Variants in SCUBE1 observed in about 807,000 individuals in gnomAD.
The protein encoded by SCUBE1 is signal peptide, CUB domain and EGF like domain containing 1.
SCUBE1 carries 59 observed loss-of-function variants against 124.4 expected under a neutral mutation model. The observed-to-expected ratio is 0.47, with a 90% CI of 0.38 to 0.59. SCUBE1 has a LOEUF of 0.59. Among genes scored for constraint, SCUBE1 ranks in the 20% least tolerant of loss-of-function variants. The pLI, the probability that SCUBE1 is intolerant of heterozygous loss-of-function variation, is 0.00. For missense variants in SCUBE1, 1,150 were observed against 1,371.2 expected (o/e 0.84, Z 2.55); for synonymous variants, 545 against 550.9 (o/e 0.99, Z 0.15).
chr22:43,285,022 G>A (rs561958614), intron 4 of SCUBE1, among the ~76,000 whole-genome samples: 11 of 152,246 alleles, frequency 7.2e-5, no homozygotes, highest in African/African-American at 2.4e-4. Context: ...AAGGTGAAAC[G>A]CACTTGGGTA....
intron 3 of SCUBE1, among the ~76,000 whole-genome samples, chr22:43,303,604 G>A (rs560775203): frequency 3.3e-5 from 5 of 152,276 alleles, no homozygotes; most frequent in African/African-American, 4.8e-5. Flanking sequence ...TCGCTTGGCT[G>A]AGGCACTGGC....
At chr22:43,206,674 G>A (rs1921299267) in intron 21 of SCUBE1, among the ~76,000 whole-genome samples, 2 of 152,136 alleles carry the variant, frequency 1.3e-5, no homozygotes, top group Admixed American at 1.3e-4. Flanking sequence ...AGAGGCTCTG[G>A]TGCGTGTGAG....
chr22:43,308,331 A>G (rs1195662551), intron 3 of SCUBE1, among the ~76,000 whole-genome samples: 1 of 152,208 alleles, frequency 6.6e-6, no homozygotes, highest in Non-Finnish European at 1.5e-5. Context: ...GAATGGGAAA[A>G]GGTGGTGGGG....
chr22:43,216,122 C>T (rs1369129655), intron 15 of SCUBE1, among the ~76,000 whole-genome samples: 1 of 152,024 alleles, frequency 6.6e-6, no homozygotes, highest in African/African-American at 2.4e-5. Context: ...TCTCAGCTCA[C>T]TGCAACCTCT....
At chr22:43,216,592 C>T (rs989163425) in intron 15 of SCUBE1, among the ~76,000 whole-genome samples, 10 of 151,956 alleles carry the variant, frequency 6.6e-5, no homozygotes, top group Non-Finnish European at 1.0e-4. Flanking sequence ...GGCAGAGTTG[C>T]GGTGAGCTGA....
chr22:43,289,677 G>C (rs1925281866), intron 4 of SCUBE1, among the ~76,000 whole-genome samples: 1 of 152,196 alleles, frequency 6.6e-6, no homozygotes, highest in African/African-American at 2.4e-5. Context: ...CGGGAGGCTG[G>C]AACCTCATCC....
At chr22:43,227,305 A>G in intron 10 of SCUBE1, 69 bp downstream of exon 10, 4 of 1,538,258 alleles carry the variant, frequency 2.6e-6, no homozygotes, top group South Asian at 1.2e-5. Context: ...CCACCTCAGA[A>G]AAGCCACTGT....
chr22:43,237,108 G>C (rs1219544186), intron 7 of SCUBE1, among the ~76,000 whole-genome samples: 4 of 151,064 alleles, frequency 2.6e-5, no homozygotes, highest in South Asian at 4.2e-4. Flanking sequence ...GTGGTGGGGT[G>C]GGGGGGGTTG....
chr22:43,307,958 GA>G (rs55837586), intron 3 of SCUBE1, among the ~76,000 whole-genome samples: 67,672 of 151,688 alleles, frequency 0.45, 15,478 homozygotes, highest in Non-Finnish European at 0.49. Context: ...GGGCTGGCAG[GA>G]AGAACCATCT....
Position 43,252,043 on chromosome 22 carries a change from G to A in SCUBE1, c.727+6176C>T, listed in dbSNP as rs1046899930. Among the ~76,000 whole-genome samples, 21 of 152,306 alleles carry A rather than the reference G, an allele frequency of 1.4e-4. 1 individual carries two copies. The South Asian group carries it at 1.9e-3, about 14-fold the overall frequency. ...ATTTATCACTTTAACCTGCAAATCC[G>A]ACAATTTTAACTGATTGTAATGGGA... is the stretch of plus-strand genomic sequence containing the variant. On this transcript the variant is annotated intron_variant, in intron 6 of 21. Transcript: ENST00000360835.
rs80138461 is a variant in SCUBE1 at position 43,208,229 on chromosome 22, G to T, written c.2582-5C>A. 6.2e-7 allele frequency: 1 copy of T among 1,613,800 alleles called. No homozygotes were observed. The highest frequency in any genetic ancestry group is 1.7e-5 in the Admixed American group (1 of 60,008). On this transcript the variant is annotated splice_region_variant and splice_polypyrimidine_tract_variant and intron_variant, in intron 19 of 21. Coordinates refer to ENST00000360835, the MANE Select transcript of SCUBE1 (RefSeq NM_173050.5). ...TGGTGATGGACGTGGGAGAGGCTGCGGGTGAAGCATCATTGCTGAGCTGCC... is the reference window on the plus strand; with the variant it reads ...TGGTGATGGACGTGGGAGAGGCTGCTGGTGAAGCATCATTGCTGAGCTGCC...
intron 4 of SCUBE1, among the ~76,000 whole-genome samples, chr22:43,286,859 T>C (rs1253249002): frequency 6.6e-6 from 1 of 152,238 alleles, no homozygotes; most frequent in Non-Finnish European, 1.5e-5. Flanking sequence ...TCCAGAACCC[T>C]TTCTACTCCC....
intron 8 of SCUBE1, among the ~76,000 whole-genome samples, chr22:43,231,152 A>G (rs1318597690): frequency 6.6e-6 from 1 of 152,082 alleles, no homozygotes; most frequent in Non-Finnish European, 1.5e-5. Context: ...CGGCAGCGCC[A>G]TCTCCTGGGT....
At chr22:43,263,936 C>G (rs902661405) in intron 4 of SCUBE1, among the ~76,000 whole-genome samples, 3 of 152,214 alleles carry the variant, frequency 2.0e-5, no homozygotes, top group Non-Finnish European at 2.9e-5. Flanking sequence ...ACGGAAAGAC[C>G]CTTTCCGCTG....
chr22:43,214,091 T>C lies in SCUBE1; in HGVS notation c.2052A>G (p.Gly684=). The change falls in exon 16 of 22, where the codon GGA becomes GGG. Residue 684 remains glycine, a splice_region_variant and synonymous_variant. Transcript: ENST00000360835. ...LPGARNVSEC[G]GQCSPGFFSA... ...CTCTCCTTCTAGGCCCGCACTTGCC[T>C]CCACATTCCGACACGTTGCGGGCAC... 8.1e-7 allele frequency: 1 copy of C among 1,240,624 alleles called. No homozygotes were observed. The highest frequency in any genetic ancestry group is 1.1e-6 in the Non-Finnish European group (1 of 937,880). 76.9% of individuals were successfully genotyped at this position (1,240,624 alleles called of 1,614,324 possible).
chr22:43,247,924 C>T (rs1337516475), intron 6 of SCUBE1, among the ~76,000 whole-genome samples: 2 of 152,182 alleles, frequency 1.3e-5, no homozygotes, highest in Non-Finnish European at 2.9e-5. Context: ...ACTGGATTAG[C>T]AAAAATGGCA....
chr22:43,307,705 G>C (rs762320245), intron 3 of SCUBE1, among the ~76,000 whole-genome samples: 8 of 152,290 alleles, frequency 5.3e-5, no homozygotes, highest in Middle Eastern at 3.4e-3. Flanking sequence ...CTTGTCTCCC[G>C]TTCAGCCACA....
At chr22:43,340,079 C>T (rs1927259536) in intron 1 of SCUBE1, among the ~76,000 whole-genome samples, 1 of 151,028 alleles carries the variant, frequency 6.6e-6, no homozygotes, top group African/African-American at 2.4e-5. Context: ...GATGGGGACA[C>T]CAAGGCCATG....
chr22:43,239,456 C>T (rs1029648125), intron 6 of SCUBE1, among the ~76,000 whole-genome samples: 3 of 152,270 alleles, frequency 2.0e-5, no homozygotes, highest in Non-Finnish European at 2.9e-5. Flanking sequence ...GGCTCACACA[C>T]CATCCATCAC....
Sources: allele counts gnomAD v4.1 joint callset (sites outside exome capture counted in the v4.1 genomes callset), GRCh38; gene constraint gnomAD v4.1.1; transcripts MANE v1.5; gene names NCBI Gene and HGNC (gene_info 2026-07-23, HGNC 2026-07-21).